Variants in EVL observed in about 807,000 individuals in gnomAD.
The protein encoded by EVL is ena/VASP-like protein.
EVL carries 21 observed loss-of-function variants against 59.6 expected under a neutral mutation model. That is an observed-to-expected ratio of 0.35 (90% CI 0.25 to 0.51). The LOEUF (loss-of-function observed/expected upper bound fraction) is 0.51, where lower values mean the gene tolerates loss of function less well. EVL is among the 20% of genes least tolerant of loss of function. The pLI, the probability that EVL is intolerant of heterozygous loss-of-function variation, is 0.97. For missense variants in EVL, 462 were observed against 546.6 expected (o/e 0.85, Z 1.54); for synonymous variants, 198 against 203.5 (o/e 0.97, Z 0.23).
chr14:100,030,659 T>C (rs528335179), intron 1 of EVL, among the ~76,000 whole-genome samples: 41 of 152,314 alleles, frequency 2.7e-4, no homozygotes, highest in African/African-American at 9.9e-4. Flanking sequence ...GAACGAAACA[T>C]GGTGTGACTA....
At chr14:100,040,520 A>C (rs2061453215) in intron 1 of EVL, among the ~76,000 whole-genome samples, 1 of 152,216 alleles carries the variant, frequency 6.6e-6, no homozygotes, top group Non-Finnish European at 1.5e-5. Flanking sequence ...TGGGCAGGAC[A>C]GAACGGAGCC....
At chr14:100,085,993 G>A (rs2062433779) in intron 2 of EVL, among the ~76,000 whole-genome samples, 1 of 152,180 alleles carries the variant, frequency 6.6e-6, no homozygotes. Context: ...GCCGGGCGTG[G>A]TGGCGGGCAC....
At chr14:99,995,965 C>T (rs904055448) in intron 1 of EVL, among the ~76,000 whole-genome samples, 2 of 152,132 alleles carry the variant, frequency 1.3e-5, no homozygotes, top group Non-Finnish European at 2.9e-5. Flanking sequence ...TGCACACTCT[C>T]TGGTGCTACA....
At chr14:99,989,684 A>G (rs1315196880) in intron 1 of EVL, among the ~76,000 whole-genome samples, 2 of 152,352 alleles carry the variant, frequency 1.3e-5, no homozygotes, top group South Asian at 2.1e-4. Context: ...CATGGTGGCT[A>G]TCATATTGGA....
At chr14:99,988,064 A>G (rs1168106600) in intron 1 of EVL, among the ~76,000 whole-genome samples, 1 of 151,726 alleles carries the variant, frequency 6.6e-6, no homozygotes, top group Non-Finnish European at 1.5e-5. Context: ...ACAGGCATGC[A>G]CCACCACACC....
intron 2 of EVL, among the ~76,000 whole-genome samples, chr14:100,089,150 A>G (rs111409257): frequency 2.8e-4 from 42 of 152,262 alleles, no homozygotes; most frequent in African/African-American, 9.6e-4. Flanking sequence ...ACATAACGCA[A>G]AAATCTAAAG....
At position 100,143,826 on chromosome 14, in the gene EVL, C is replaced by T; in HGVS notation, c.*88C>T. 6.6e-7 allele frequency: 1 copy of T among 1,505,076 alleles called. No homozygotes were observed. The highest frequency in any genetic ancestry group is 2.4e-5 in the East Asian group (1 of 41,546). 93.2% of individuals were successfully genotyped at this position (1,505,076 alleles called of 1,614,324 possible). ...CAGCCAGCCCCAGACTCCAGTGCAC[C>T]AGAGCACGCACAGGAGCCTGGGCGC... On this transcript the variant is annotated 3_prime_UTR_variant, in exon 14 of 14. Transcript: ENST00000392920.
chr14:100,106,168 A>G (rs1387442870), intron 3 of EVL: 1 of 152,250 alleles, frequency 6.6e-6, no homozygotes, highest in Admixed American at 6.5e-5. Flanking sequence ...CATCCTGCGC[A>G]GTGAAGTCTT....
intron 1 of EVL, among the ~76,000 whole-genome samples, chr14:100,083,131 C>G (rs947141304): frequency 2.0e-5 from 3 of 152,218 alleles, no homozygotes; most frequent in Non-Finnish European, 4.4e-5. Flanking sequence ...TCAGATCCCT[C>G]TGATTTAATA....
intron 3 of EVL, among the ~76,000 whole-genome samples, chr14:100,115,301 A>G (rs749787377): frequency 1.9e-4 from 29 of 152,102 alleles, no homozygotes; most frequent in Non-Finnish European, 3.4e-4. Context: ...TCCTTTCCTC[A>G]TTGTGAATGT....
At position 100,143,766 on chromosome 14, in the gene EVL, C is replaced by A; in HGVS notation, c.*28C>A. ...GGCCGGCCTCGCTGCGCTGATTCGTCGAGCCCATCCGGCGACAGAGGACAG... is the reference window on the plus strand; with the variant it reads ...GGCCGGCCTCGCTGCGCTGATTCGTAGAGCCCATCCGGCGACAGAGGACAG... On this transcript the variant is annotated 3_prime_UTR_variant, in exon 14 of 14. Coordinates refer to ENST00000392920, the MANE Select transcript of EVL (RefSeq NM_016337.3). 1 of 1,607,560 alleles carries A rather than the reference C, an allele frequency of 6.2e-7. No individual in the cohort carries two copies. The highest frequency in any genetic ancestry group is 8.5e-7 in the Non-Finnish European group (1 of 1,177,290).
chr14:100,113,197 G>A (rs1887114229), intron 3 of EVL, among the ~76,000 whole-genome samples: 1 of 152,108 alleles, frequency 6.6e-6, no homozygotes, highest in African/African-American at 2.4e-5. Flanking sequence ...TGTGAACCTA[G>A]TGCTGCCATC....
intron 1 of EVL, among the ~76,000 whole-genome samples, chr14:100,016,254 G>A (rs1233587225): frequency 6.6e-6 from 1 of 152,106 alleles, no homozygotes; most frequent in Non-Finnish European, 1.5e-5. Flanking sequence ...CAAAACACTG[G>A]GCGTTGTGGC....
intron 1 of EVL, among the ~76,000 whole-genome samples, chr14:100,027,269 T>C (rs1252013621): frequency 7.2e-5 from 11 of 152,210 alleles, no homozygotes; most frequent in Non-Finnish European, 1.3e-4. Flanking sequence ...AATTACACTT[T>C]TTTAGTTATT....
intron 2 of EVL, 100 bp downstream of exon 2, chr14:100,084,955 G>C (rs941541979): frequency 1.5e-6 from 2 of 1,345,352 alleles, no homozygotes; most frequent in African/African-American, 2.9e-5. Flanking sequence ...AGAACAAAAA[G>C]GTCAATATTC....
chr14:100,027,227 C>T lies in EVL; in HGVS notation c.5+55170C>T, dbSNP rs762121992. Reference sequence around the variant, plus strand: ...GGGTAACTGGAATGCCCATCTCAAGCGTTTATCATTTCTTTGTGTTAGGAA... The same window carrying T: ...GGGTAACTGGAATGCCCATCTCAAGTGTTTATCATTTCTTTGTGTTAGGAA... On this transcript the variant is annotated intron_variant, in intron 1 of 13. Transcript: ENST00000402714. 4.6e-5 allele frequency among the ~76,000 whole-genome samples: 7 copies of T among 152,174 alleles called. No homozygotes were observed. In the East Asian group the frequency reaches 5.8e-4, roughly 13 times the overall value.
intron 1 of EVL, among the ~76,000 whole-genome samples, chr14:100,007,962 G>A (rs1168801629): frequency 6.6e-6 from 1 of 152,176 alleles, no homozygotes; most frequent in African/African-American, 2.4e-5. Flanking sequence ...AGGATGTTTA[G>A]CAACATCTCT....
At chr14:100,010,262 G>A (rs1284232959) in intron 1 of EVL, among the ~76,000 whole-genome samples, 3 of 152,122 alleles carry the variant, frequency 2.0e-5, no homozygotes, top group Admixed American at 6.5e-5. Flanking sequence ...AGTAAGTCAC[G>A]ATATACAGGG....
intron 1 of EVL, among the ~76,000 whole-genome samples, chr14:99,986,673 G>A (rs74629714): frequency 0.039 from 5,937 of 152,218 alleles, 388 homozygotes; most frequent in African/African-American, 0.14. Flanking sequence ...TTGAAGACAT[G>A]GTTTTCTACA....
Sources: gnomAD v4.1 joint callset for allele counts (sites outside exome capture counted in the v4.1 genomes callset) on GRCh38, gnomAD v4.1.1 for gene constraint, MANE v1.5 for transcripts, NCBI Gene and HGNC (gene_info 2026-07-23, HGNC 2026-07-21) for gene names.